Variants in PPM1H observed in about 807,000 individuals in gnomAD.
The protein encoded by PPM1H is protein phosphatase, Mg2+/Mn2+ dependent 1H, also known as protein phosphatase 1H.
A neutral mutation model predicts 54.9 loss-of-function variants in PPM1H; 27 were observed. The observed-to-expected ratio is 0.49, with a 90% CI of 0.36 to 0.68. PPM1H has a LOEUF of 0.68. Among genes scored for constraint, PPM1H ranks in the 30% least tolerant of loss-of-function variants. The probability of loss-of-function intolerance (pLI) is 0.00; values close to 1 mark genes in which losing one functional copy is unlikely to be tolerated. For missense variants in PPM1H, 596 were observed against 667.8 expected, an observed-to-expected ratio of 0.89 and a Z score of 1.19; for synonymous variants, 305 against 270.8, an observed-to-expected ratio of 1.13 and a Z score of -1.24.
At chr12:62,758,526 T>G (rs184265660) in intron 4 of PPM1H, among the ~76,000 whole-genome samples, 26 of 152,314 alleles carry the variant, frequency 1.7e-4, no homozygotes, top group African/African-American at 6.3e-4. Context: ...CTCAGATTCT[T>G]GACTGAATCA....
At chr12:62,906,237 G>A (rs912538217) in intron 1 of PPM1H, among the ~76,000 whole-genome samples, 1 of 152,050 alleles carries the variant, frequency 6.6e-6, no homozygotes, top group Non-Finnish European at 1.5e-5. Flanking sequence ...CTCTAACACT[G>A]GACACTATCA....
At chr12:62,695,631 TG>T (rs35090481) in intron 6 of PPM1H, among the ~76,000 whole-genome samples, 39,478 of 151,682 alleles carry the variant, frequency 0.26, 5,363 homozygotes, top group East Asian at 0.38. Context: ...TATATGAGTT[TG>T]GGGGGGGAAC....
intron 1 of PPM1H, among the ~76,000 whole-genome samples, chr12:62,868,100 C>A (rs1695171037): frequency 2.0e-5 from 3 of 152,142 alleles, no homozygotes; most frequent in Admixed American, 2.0e-4. Context: ...TGCATGATAA[C>A]TGCCCTCCTC....
chr12:62,824,751 G>C (rs1426031844), intron 2 of PPM1H, among the ~76,000 whole-genome samples: 3 of 151,990 alleles, frequency 2.0e-5, no homozygotes, highest in Non-Finnish European at 4.4e-5. Context: ...AAAATTAATT[G>C]AAGATGGATT....
At chr12:62,866,293 T>A (rs1869774096) in intron 1 of PPM1H, among the ~76,000 whole-genome samples, 1 of 148,990 alleles carries the variant, frequency 6.7e-6, no homozygotes. Flanking sequence ...CTTTGGTACT[T>A]CCTGACATCT....
chr12:62,757,325 A>C (rs533182727), intron 4 of PPM1H, among the ~76,000 whole-genome samples: 15 of 152,330 alleles, frequency 9.8e-5, no homozygotes, highest in African/African-American at 3.4e-4. Flanking sequence ...GTGGAAACTC[A>C]GCTTCCTGAG....
chr12:62,708,762 G>C (rs1451821355), intron 6 of PPM1H, among the ~76,000 whole-genome samples: 1 of 152,088 alleles, frequency 6.6e-6, no homozygotes, highest in African/African-American at 2.4e-5. Flanking sequence ...TACATGGGCA[G>C]CTTTGTTACA....
At chr12:62,905,850 T>C (rs1037304825) in intron 1 of PPM1H, among the ~76,000 whole-genome samples, 2 of 152,086 alleles carry the variant, frequency 1.3e-5, no homozygotes, top group African/African-American at 4.8e-5. Flanking sequence ...TAGTAATAGA[T>C]CATATGGTAG....
intron 2 of PPM1H, among the ~76,000 whole-genome samples, chr12:62,810,427 G>T (rs1030822252): frequency 3.3e-5 from 5 of 152,278 alleles, no homozygotes; most frequent in Admixed American, 2.6e-4. Flanking sequence ...GATTTGCTGA[G>T]CCTCGTTCCT....
chr12:62,898,381 G>A (rs1194431969), intron 1 of PPM1H, among the ~76,000 whole-genome samples: 1 of 152,148 alleles, frequency 6.6e-6, no homozygotes, highest in Non-Finnish European at 1.5e-5. Context: ...TGTCCTCCAA[G>A]TGGCCAAAAA....
chr12:62,929,768 T>C (rs1872077324), intron 1 of PPM1H, among the ~76,000 whole-genome samples: 1 of 152,192 alleles, frequency 6.6e-6, no homozygotes, highest in Non-Finnish European at 1.5e-5. Flanking sequence ...AACGCTTAGC[T>C]GTCTGCTTTA....
chr12:62,713,065 C>A (rs2076215857), intron 6 of PPM1H, among the ~76,000 whole-genome samples: 1 of 152,148 alleles, frequency 6.6e-6, no homozygotes, highest in Non-Finnish European at 1.5e-5. Flanking sequence ...GAAGCTGTAT[C>A]TATATTTGTA....
intron 5 of PPM1H, among the ~76,000 whole-genome samples, chr12:62,732,645 C>T (rs1278480682): frequency 1.3e-5 from 2 of 150,648 alleles, no homozygotes; most frequent in Non-Finnish European, 3.0e-5. Flanking sequence ...GATCTCAGCT[C>T]ACTGCAAGTT....
At position 62,934,256 on chromosome 12, in the gene PPM1H, AC is replaced by A. The variant is rs1300694863; in HGVS notation, c.245+235del. Among the ~76,000 whole-genome samples the A allele has an allele frequency of 6.6e-6, 1 of 151,698 alleles. No individual in the cohort carries two copies. Among genetic ancestry groups the A allele is most frequent in the Non-Finnish European group, 1.5e-5 (1 of 67,926 alleles). On this transcript the variant is annotated intron_variant, in intron 1 of 9. Coordinates refer to ENST00000228705, the MANE Select transcript of PPM1H (RefSeq NM_020700.2). This position sits in a 1 kb window ranked among gnomAD's most constrained non-coding sequence, Gnocchi z 4.2. ...AGCTTTCCCACGCTCCAGCGCTGCC[AC>A]CCACCCCTCCACCACCCATACCGGG... is the stretch of plus-strand genomic sequence containing the variant.
rs575084371 is a variant in PPM1H at position 62,647,686 on chromosome 12, G to T, written c.*803C>A. The T allele has an allele frequency of 6.6e-6, 1 of 152,342 alleles. No individual in the cohort carries two copies. Among genetic ancestry groups the T allele is most frequent in the Non-Finnish European group, 1.5e-5 (1 of 68,122 alleles). 9.4% of individuals were successfully genotyped at this position (152,342 alleles called of 1,614,324 possible). A position where few individuals can be genotyped will look rare whatever the true frequency, so the allele number is the denominator to read the frequency against. ...AGTTTCATGAAAACACACTGATTCG[G>T]TTAGAAAATGCAACTTGGGAACAAA... is the stretch of plus-strand genomic sequence containing the variant. On this transcript the variant is annotated 3_prime_UTR_variant, in exon 10 of 10. Transcript: ENST00000228705.
chr12:62,779,251 G>A (rs931392673), intron 4 of PPM1H, among the ~76,000 whole-genome samples: 1 of 152,054 alleles, frequency 6.6e-6, no homozygotes, highest in African/African-American at 2.4e-5. Flanking sequence ...GTTTCACCAT[G>A]TTGGCCCAGC....
intron 1 of PPM1H, among the ~76,000 whole-genome samples, chr12:62,877,978 A>G (rs543802923): frequency 1.3e-5 from 2 of 152,222 alleles, no homozygotes; most frequent in Non-Finnish European, 2.9e-5. Flanking sequence ...GCTCACTGCA[A>G]GCTCCGCCTC....
At chr12:62,690,396 C>T (rs1302211268) in intron 7 of PPM1H, among the ~76,000 whole-genome samples, 1 of 152,258 alleles carries the variant, frequency 6.6e-6, no homozygotes, top group African/African-American at 2.4e-5. Flanking sequence ...AACTCTATAA[C>T]CTATCCTGCT....
intron 8 of PPM1H, among the ~76,000 whole-genome samples, chr12:62,683,487 G>A (rs2076034730): frequency 6.6e-6 from 1 of 152,140 alleles, no homozygotes; most frequent in African/African-American, 2.4e-5. Flanking sequence ...AGATACTACA[G>A]TCTAAGGTCT....
Sources: allele counts gnomAD v4.1 joint callset (sites outside exome capture counted in the v4.1 genomes callset), GRCh38; gene constraint gnomAD v4.1.1; non-coding constraint Gnocchi (gnomAD v3.1); transcripts MANE v1.5; gene names NCBI Gene and HGNC (gene_info 2026-07-23, HGNC 2026-07-21).